Variants in PAGE5 observed in about 807,000 individuals in gnomAD.
The protein encoded by PAGE5 is P antigen family member 5.
In PAGE5, 8 loss-of-function variants were observed where a neutral mutation model predicts 8.1. That is an observed-to-expected ratio of 0.98 (90% CI 0.58 to 1.77). The LOEUF is 1.77. PAGE5 is among the 40% of genes most tolerant of loss of function. The probability of loss-of-function intolerance (pLI) is 0.00; values close to 1 mark genes in which losing one functional copy is unlikely to be tolerated. For synonymous variants in PAGE5, 30 were observed against 27.0 expected (o/e 1.11, Z -0.35); for missense variants, 64 against 77.6 (o/e 0.82, Z 0.66).
intron 1 of PAGE5, 137 bp downstream of exon 1, chrX:55,220,589 C>T (rs758302373): frequency 8.4e-7 from 1 of 1,191,032 alleles, no homozygotes; most frequent in African/African-American, 1.8e-5. Flanking sequence ...TCCGCCTTCC[C>T]CCAGGTCCTG....
At chrX:55,222,594 G>A (rs776526822) in intron 3 of PAGE5, 27 bp from the exon 4 acceptor site, 56 of 1,185,344 alleles carry the variant, frequency 4.7e-5, no homozygotes, top group Non-Finnish European at 1.8e-5. Context: ...ATTTTAATTC[G>A]TAAATTGACG....
chrX:55,223,211 TAAGAA>T (rs769005865), intron 4 of PAGE5, among the ~76,000 whole-genome samples: 3 of 112,533 alleles, frequency 2.7e-5, no homozygotes, highest in Non-Finnish European at 5.6e-5. Context: ...AAAAGAAAGA[TAAGAA>T]AAGGTTTTCT....
At chrX:55,222,016 T>G (rs1469662533) in intron 3 of PAGE5, 141 bp downstream of exon 3, 7 of 684,343 alleles carry the variant, frequency 1.0e-5, no homozygotes, top group Non-Finnish European at 1.5e-5. Context: ...TGCGGAGGGG[T>G]GGGACAAGGA....
intron 3 of PAGE5, among the ~76,000 whole-genome samples, chrX:55,222,252 A>G (rs1429269469): frequency 1.8e-5 from 2 of 112,059 alleles, no homozygotes; most frequent in Admixed American, 1.9e-4. Context: ...ATGTATTTTT[A>G]TAAGATACTT....
chrX:55,223,620 A>C (rs1274086361), intron 4 of PAGE5, among the ~76,000 whole-genome samples: 1 of 97,640 alleles, frequency 1.0e-5, no homozygotes, highest in East Asian at 3.4e-4. Context: ...ATATCAAAAA[A>C]TTTAAATGAT....
At chrX:55,220,705 G>T (rs1016042543) in intron 1 of PAGE5, 15 of 1,128,886 alleles carry the variant, frequency 1.3e-5, no homozygotes, top group Non-Finnish European at 1.8e-5. Context: ...CTGGGGGTGG[G>T]TGCTGTTAGA....
intron 4 of PAGE5, among the ~76,000 whole-genome samples, chrX:55,223,556 T>G (rs1262334479): frequency 8.9e-6 from 1 of 112,472 alleles, no homozygotes; most frequent in Non-Finnish European, 1.9e-5. Flanking sequence ...CTGACTTTTC[T>G]ATTTCCTGCA....
chrX:55,221,944 T>C lies in PAGE5; in HGVS notation c.190+69T>C, dbSNP rs1937899010. 3.0e-6 allele frequency: 3 copies of C among 1,011,257 alleles called. No homozygotes were observed. The African/African-American group carries it at 5.7e-5, about 19-fold the overall frequency. The allele number at this position is 1,011,257 out of a possible 1,213,427, so 83.3% of individuals were successfully genotyped here. A position where few individuals can be genotyped will look rare whatever the true frequency, so the allele number is the denominator to read the frequency against. ...TATTTATGCATTATATTTTGTGACA[T>C]ACCAGTAACAGGAGGACAGAAAACA... On this transcript the variant is annotated intron_variant, in intron 3 of 4. Coordinates refer to ENST00000374955, the MANE Select transcript of PAGE5 (RefSeq NM_001013435.3).
rs148444499 is a variant in PAGE5, at chrX:55,223,475, C to T, written c.317-512C>T. 6.8e-4 allele frequency among the ~76,000 whole-genome samples: 76 copies of T among 111,839 alleles called. 2 individuals are homozygous for T. The East Asian group carries it at 0.019, about 27-fold the overall frequency. On this transcript the variant is annotated intron_variant, in intron 4 of 4. Transcript: ENST00000374955. ...AGTGACAAATGTTCACTACTTAAAGCAACTACATAATGTCTAAACTAGTCC... is the reference window on the plus strand; with the variant it reads ...AGTGACAAATGTTCACTACTTAAAGTAACTACATAATGTCTAAACTAGTCC...
chrX:55,221,659 A>G, intron 2 of PAGE5, 108 bp from the exon 3 acceptor site: 2 of 915,707 alleles, frequency 2.2e-6, no homozygotes, highest in Non-Finnish European at 3.1e-6. Flanking sequence ...CTCTCTCTCT[A>G]TATATATATC....
chrX:55,222,795 A>G (rs747397265), intron 4 of PAGE5, 49 bp downstream of exon 4: 2 of 1,160,035 alleles, frequency 1.7e-6, no homozygotes, highest in East Asian at 6.0e-5. Context: ...TTTTCACAAT[A>G]TTGTATTTTG....
intron 4 of PAGE5, among the ~76,000 whole-genome samples, chrX:55,223,660 TTTTG>T (rs1242415327): frequency 8.9e-6 from 1 of 111,993 alleles, no homozygotes; most frequent in African/African-American, 3.2e-5. Context: ...TTCCTTAGGT[TTTTG>T]TTTGGTTGAA....
Position 55,220,398 on chromosome X carries a change from C to A in PAGE5, c.-63C>A, listed in dbSNP as rs1329382755. 8 of 437,307 alleles carry A rather than the reference C, an allele frequency of 1.8e-5. No homozygotes were observed. Among genetic ancestry groups the A allele is most frequent in the Non-Finnish European group, 2.9e-5 (7 of 244,434 alleles). The allele number at this position is 437,307 out of a possible 1,213,427, so 36.0% of individuals were successfully genotyped here. On this transcript the variant is annotated 5_prime_UTR_variant, in exon 1 of 5. Transcript: ENST00000374955. ...AGAGGTTGTGTCTTCGTTCTTTCCG[C>A]CATCTTCGTTCTTTCCAACATCTTC...
At chrX:55,223,187 C>T (rs1272025117) in intron 4 of PAGE5, among the ~76,000 whole-genome samples, 1 of 112,192 alleles carries the variant, frequency 8.9e-6, no homozygotes, top group Non-Finnish European at 1.9e-5. Flanking sequence ...TATATGATTT[C>T]ATGTGTCATT....
chrX:55,222,887 A>ATGGCT (rs1162724782), intron 4 of PAGE5, 141 bp downstream of exon 4: 18 of 746,021 alleles, frequency 2.4e-5, no homozygotes, highest in Non-Finnish European at 2.9e-5. Context: ...CAGACCCCAA[A>ATGGCT]TGGCTGCCTT....
In PAGE5 at chrX:55,221,847, C is replaced by A. The variant is rs749987475; in HGVS notation, c.162C>A (p.Ile54=). 1.0e-5 allele frequency: 12 copies of A among 1,205,697 alleles called. No homozygotes were observed. The highest frequency in any genetic ancestry group is 3.0e-5 in the East Asian group (1 of 33,728). ...DNQGIAPSGE[I]KNEGAPAVQG... Reference sequence around the variant, plus strand: ...AGGGTATTGCACCTAGTGGGGAGATCAAAAATGAAGGAGCACCTGCTGTTC... The same window carrying A: ...AGGGTATTGCACCTAGTGGGGAGATAAAAAATGAAGGAGCACCTGCTGTTC... Residue 54 remains isoleucine (I), a synonymous_variant, in exon 3 of 5, where the codon ATC becomes ATA. Transcript: ENST00000374955.
At chrX:55,223,467 A>G (rs761490287) in intron 4 of PAGE5, among the ~76,000 whole-genome samples, 123 of 112,010 alleles carry the variant, frequency 1.1e-3, no homozygotes, top group Non-Finnish European at 1.9e-3. Context: ...AATGTTCACT[A>G]CTTAAAGCAA....
chrX:55,220,646 A>G (rs1378409916), intron 1 of PAGE5, 194 bp downstream of exon 1: 14 of 1,200,071 alleles, frequency 1.2e-5, no homozygotes, highest in Non-Finnish European at 1.6e-5. Context: ...GGAACGAGGG[A>G]GGAAGGTAGG....
Position 55,220,775 on chromosome X carries a change from C to T in PAGE5, c.-9+323C>T, listed in dbSNP as rs986066471. On this transcript the variant is annotated intron_variant, in intron 1 of 4. Coordinates refer to ENST00000374955, the MANE Select transcript of PAGE5 (RefSeq NM_001013435.3). The stretch of plus-strand genomic sequence containing the variant: ...GAGGGAGGACAGTTTCTGGACTCTT[C>T]GTTAGGGATGCGAGAAGGGATGGTG... 8.5e-6 allele frequency: 6 copies of T among 704,545 alleles called. No homozygotes were observed. In the African/African-American group the frequency reaches 1.1e-4, roughly 13 times the overall value. 58.1% of individuals were successfully genotyped at this position (704,545 alleles called of 1,213,427 possible). A position where few individuals can be genotyped will look rare whatever the true frequency, so the allele number is the denominator to read the frequency against.
Sources: allele counts gnomAD v4.1 joint callset (sites outside exome capture counted in the v4.1 genomes callset), GRCh38; gene constraint gnomAD v4.1.1; transcripts MANE v1.5; gene names NCBI Gene and HGNC (gene_info 2026-07-23, HGNC 2026-07-21).